The following KCNIP2 variants were observed in gnomAD, a reference collection of about 807,000 sequenced individuals.
KCNIP2 encodes the protein potassium voltage-gated channel interacting protein 2.
KCNIP2 carries 19 observed loss-of-function variants against 39.0 expected under a neutral mutation model. That is an observed-to-expected ratio of 0.49 (90% CI 0.34 to 0.71). The LOEUF (loss-of-function observed/expected upper bound fraction) is 0.71. KCNIP2 is among the 30% of genes least tolerant of loss of function. The pLI is 0.01. For missense variants in KCNIP2, 261 were observed against 346.0 expected, an observed-to-expected ratio of 0.75 and a Z score of 1.95; for synonymous variants, 111 against 131.2, an observed-to-expected ratio of 0.85 and a Z score of 1.05.
intron 1 of KCNIP2, chr10:101,839,896 G>A (rs1453244358): frequency 6.6e-7 from 1 of 1,510,854 alleles, no homozygotes; most frequent in Admixed American, 2.2e-5. Flanking sequence ...GGGCGGTCCG[G>A]TCTCCGCCCT....
intron 2 of KCNIP2, among the ~76,000 whole-genome samples, chr10:101,830,245 T>C (rs2065919408): frequency 6.6e-6 from 1 of 152,166 alleles, no homozygotes; most frequent in African/African-American, 2.4e-5. Context: ...GTCACTCAAC[T>C]GGAGATCACT....
In KCNIP2 at chr10:101,827,352, G is replaced by A; in HGVS notation, c.*1C>T. The A allele has an allele frequency of 1.2e-6, 2 of 1,603,772 alleles. No individual in the cohort carries two copies. The highest frequency in any genetic ancestry group is 1.7e-5 in the Admixed American group (1 of 59,672). On this transcript the variant is annotated 3_prime_UTR_variant, in exon 10 of 10. Transcript: ENST00000356640. ...GAAACACTGACCCCCTCTCCTGGGG[G>A]CTAGATGACATTGTCAAAGAGCTGC... is the stretch of plus-strand genomic sequence containing the variant.
At position 101,838,426 on chromosome 10, in the gene KCNIP2, C is replaced by A. The variant is rs947829997; in HGVS notation, c.73+5070G>T. Among the ~76,000 whole-genome samples, 12 of 152,178 alleles carry A rather than the reference C, an allele frequency of 7.9e-5. No individual in the cohort carries two copies. Among genetic ancestry groups the A allele is most frequent in the African/African-American group, 2.9e-4 (12 of 41,440 alleles). On this transcript the variant is annotated intron_variant, in intron 1 of 9. Transcript: ENST00000356640. The surrounding 1 kb of genome is among the most constrained non-coding windows in gnomAD (Gnocchi z 4.0). ...CCCAGTTTAGCTTTGTCCCACCCCC[C>A]ACCGCCACTGTTAACCCAGCCAGTG... is the stretch of plus-strand genomic sequence containing the variant.
intron 1 of KCNIP2, chr10:101,839,684 G>T: frequency 1.4e-6 from 2 of 1,418,814 alleles, no homozygotes; most frequent in Non-Finnish European, 2.0e-6. Flanking sequence ...CCCTACCTCT[G>T]CGGAGCTCCT....
At chr10:101,841,485 G>A (rs2066338840) in intron 1 of KCNIP2, among the ~76,000 whole-genome samples, 1 of 152,212 alleles carries the variant, frequency 6.6e-6, no homozygotes, top group Non-Finnish European at 1.5e-5. Flanking sequence ...CGAGAGGAGA[G>A]CTCCTGGTAG....
Position 101,827,171 on chromosome 10 carries a change from G to A in KCNIP2, c.*182C>T. The A allele has an allele frequency of 7.6e-7, 1 of 1,310,448 alleles. No individual in the cohort carries two copies. Among genetic ancestry groups the A allele is most frequent in the Non-Finnish European group, 9.8e-7 (1 of 1,025,510 alleles). The allele number at this position is 1,310,448 out of a possible 1,614,324, so 81.2% of individuals were successfully genotyped here. A position where few individuals can be genotyped will look rare whatever the true frequency, so the allele number is the denominator to read the frequency against. On this transcript the variant is annotated 3_prime_UTR_variant, in exon 10 of 10. Coordinates refer to ENST00000356640, the MANE Select transcript of KCNIP2 (RefSeq NM_173191.3). Reference sequence around the variant, plus strand: ...GGGAACACCCCCCGAGATGCACTCTGCCCACTCTCTGGCCCCTTCAGCTCC... The same window carrying A: ...GGGAACACCCCCCGAGATGCACTCTACCCACTCTCTGGCCCCTTCAGCTCC...
intron 2 of KCNIP2, 154 bp downstream of exon 2, chr10:101,830,918 C>A: frequency 1.4e-6 from 1 of 719,186 alleles, no homozygotes; most frequent in Non-Finnish European, 2.4e-6. Context: ...CAGGCCCCAC[C>A]CCCACACACG....
chr10:101,842,803 C>T (rs967512900), intron 1 of KCNIP2, among the ~76,000 whole-genome samples: 4 of 152,160 alleles, frequency 2.6e-5, no homozygotes, highest in African/African-American at 9.7e-5. Context: ...CACAGAGCCC[C>T]GCTGCAGACA....
At chr10:101,840,911 C>G (rs2066313264) in intron 1 of KCNIP2, among the ~76,000 whole-genome samples, 1 of 152,188 alleles carries the variant, frequency 6.6e-6, no homozygotes, top group African/African-American at 2.4e-5. Flanking sequence ...AGTCGGGGGA[C>G]CGAGCTCAGG....
At position 101,829,828 on chromosome 10, in the gene KCNIP2, C is replaced by A. The variant is rs777382927; in HGVS notation, c.223+16G>T. On this transcript the variant is annotated intron_variant, in intron 3 of 9. Transcript: ENST00000356640. The stretch of plus-strand genomic sequence containing the variant: ...CCGCCCTGCCCCGCCCCGCCCCCAC[C>A]AGGAGCGTAAGTCACCTGGGTCCAG... 7.6e-5 allele frequency: 110 copies of A among 1,447,690 alleles called. 2 individuals are homozygous for A. The South Asian group carries it at 1.5e-3, about 20-fold the overall frequency. 89.7% of individuals were successfully genotyped at this position (1,447,690 alleles called of 1,614,324 possible).
chr10:101,832,494 C>G (rs1220328265), intron 1 of KCNIP2, among the ~76,000 whole-genome samples: 2 of 152,110 alleles, frequency 1.3e-5, no homozygotes, highest in Admixed American at 1.3e-4. Context: ...CCCTCCCAAT[C>G]CAGGCTTCAC....
chr10:101,832,518 C>T (rs1448399071), intron 1 of KCNIP2, among the ~76,000 whole-genome samples: 1 of 152,128 alleles, frequency 6.6e-6, no homozygotes, highest in Non-Finnish European at 1.5e-5. Flanking sequence ...CCAGATCAGG[C>T]CCTGTTCTCA....
At chr10:101,831,020 C>T in intron 2 of KCNIP2, 52 bp downstream of exon 2, 1 of 1,465,994 alleles carries the variant, frequency 6.8e-7, no homozygotes, top group Non-Finnish European at 9.5e-7. Context: ...CATGCACAGA[C>T]ACGCACGCAC....
chr10:101,831,791 C>T (rs1203559304), intron 1 of KCNIP2, among the ~76,000 whole-genome samples: 3 of 152,270 alleles, frequency 2.0e-5, no homozygotes, highest in Middle Eastern at 3.4e-3. Flanking sequence ...ACACACAATG[C>T]CTCTGGGACA....
At chr10:101,834,135 C>T (rs1280090537) in intron 1 of KCNIP2, 3 of 397,234 alleles carry the variant, frequency 7.6e-6, no homozygotes, top group Non-Finnish European at 1.3e-5. Context: ...TACTCACCTC[C>T]CAGATCCCTG....
intron 1 of KCNIP2, 52 bp from the exon 2 acceptor site, chr10:101,831,219 G>A: frequency 7.5e-7 from 1 of 1,338,768 alleles, no homozygotes; most frequent in South Asian, 1.3e-5. Context: ...TTGTCCCTCT[G>A]TTCCCTGTCC....
At chr10:101,839,384 A>T (rs1564673507) in intron 1 of KCNIP2, among the ~76,000 whole-genome samples, 1 of 152,206 alleles carries the variant, frequency 6.6e-6, no homozygotes, top group East Asian at 1.9e-4. Context: ...GAAATGCAGG[A>T]AAGGACTGAA....
chr10:101,842,667 A>T (rs981606661), intron 1 of KCNIP2, among the ~76,000 whole-genome samples: 4 of 152,166 alleles, frequency 2.6e-5, no homozygotes, highest in African/African-American at 9.7e-5. Context: ...CTGAACACTA[A>T]AGTCCCTCCT....
chr10:101,827,527 A>G, intron 9 of KCNIP2, 127 bp from the exon 10 acceptor site: 2 of 1,291,300 alleles, frequency 1.5e-6, no homozygotes, highest in African/African-American at 1.5e-5. Context: ...AGATGCCCAG[A>G]GAGACCTGAG....
Sources: allele counts gnomAD v4.1 joint callset (sites outside exome capture counted in the v4.1 genomes callset), GRCh38; gene constraint gnomAD v4.1.1; non-coding constraint Gnocchi (gnomAD v3.1); transcripts MANE v1.5; gene names NCBI Gene and HGNC (gene_info 2026-07-23, HGNC 2026-07-21).